The following THSD7B variants were observed in gnomAD, a reference collection of about 807,000 sequenced individuals.
The protein encoded by THSD7B is thrombospondin type-1 domain-containing protein 7B.
THSD7B carries 138 observed loss-of-function variants against 213.6 expected under a neutral mutation model. The ratio of observed to expected loss-of-function variants is 0.65; its 90% CI spans 0.56 to 0.74. The LOEUF (loss-of-function observed/expected upper bound fraction) is 0.74. Ranked by LOEUF, THSD7B falls within the 30% of genes least tolerant of loss-of-function variation. The pLI is 0.00. For missense variants in THSD7B, 1,931 were observed against 1,991.5 expected (o/e 0.97, Z 0.58); for synonymous variants, 742 against 687.0 (o/e 1.08, Z -1.25).
chr2:137,583,189 T>C (rs1321342686), intron 17 of THSD7B, among the ~76,000 whole-genome samples: 1 of 151,866 alleles, frequency 6.6e-6, no homozygotes, highest in Non-Finnish European at 1.5e-5. Flanking sequence ...GATGGGCTTG[T>C]TTTTTTTCTT....
intron 2 of THSD7B, among the ~76,000 whole-genome samples, chr2:137,055,973 C>T (rs1687155049): frequency 6.6e-6 from 1 of 151,644 alleles, no homozygotes; most frequent in Non-Finnish European, 1.5e-5. Flanking sequence ...TTATTAAAAT[C>T]CTGGCTTTAG....
chr2:137,470,402 A>G (rs1369586243), intron 15 of THSD7B, among the ~76,000 whole-genome samples: 2 of 152,220 alleles, frequency 1.3e-5, no homozygotes, highest in Admixed American at 1.3e-4. Context: ...ACAAGTGGAA[A>G]TGGGTGGTTG....
rs148738962 is a variant in THSD7B, at chr2:136,945,273, A to G, written c.139+62956A>G. On this transcript the variant is annotated intron_variant, in intron 2 of 27. Coordinates refer to ENST00000409968, the MANE Select transcript of THSD7B (RefSeq NM_001316349.2). The stretch of plus-strand genomic sequence containing the variant: ...TTTCTTCCACTTGATGGAATTGGCT[A>G]TTGAAGCTTGTGCATGTGTCACTTG... 2.0e-4 allele frequency among the ~76,000 whole-genome samples: 31 copies of G among 152,248 alleles called. No homozygotes were observed. The East Asian group carries it at 4.6e-3, about 23-fold the overall frequency.
intron 15 of THSD7B, among the ~76,000 whole-genome samples, chr2:137,529,441 A>G (rs1251581630): frequency 6.6e-6 from 1 of 152,000 alleles, no homozygotes. Context: ...TCCCAAAGAT[A>G]AAGGCTTTAG....
chr2:137,092,988 C>G (rs932169711), intron 3 of THSD7B, among the ~76,000 whole-genome samples: 1 of 152,230 alleles, frequency 6.6e-6, no homozygotes, highest in African/African-American at 2.4e-5. Context: ...CAAAATCTCT[C>G]TGTCAGTATT....
At chr2:137,141,226 A>G (rs1002580693) in intron 5 of THSD7B, among the ~76,000 whole-genome samples, 1 of 152,118 alleles carries the variant, frequency 6.6e-6, no homozygotes, top group African/African-American at 2.4e-5. Flanking sequence ...GAGATGCCAG[A>G]GTTCTCTGAG....
At chr2:136,915,207 T>C (rs1684330384) in intron 2 of THSD7B, among the ~76,000 whole-genome samples, 1 of 152,200 alleles carries the variant, frequency 6.6e-6, no homozygotes, top group Non-Finnish European at 1.5e-5. Context: ...CATTTTAGTA[T>C]TCACATTTGC....
chr2:137,287,524 G>A (rs771829367), intron 12 of THSD7B, among the ~76,000 whole-genome samples: 3 of 152,024 alleles, frequency 2.0e-5, no homozygotes, highest in African/African-American at 4.8e-5. Context: ...CAGGTAGAAT[G>A]TGCACACTTT....
At chr2:136,924,003 G>A (rs775763201) in intron 2 of THSD7B, among the ~76,000 whole-genome samples, 1 of 152,122 alleles carries the variant, frequency 6.6e-6, no homozygotes, top group Non-Finnish European at 1.5e-5. Context: ...TGTGCTTTAG[G>A]TGTCATATCC....
rs560467932 is a variant in THSD7B at position 137,266,108 on chromosome 2, A to T, written c.2267-6425A>T. Among the ~76,000 whole-genome samples, 215 of 152,336 alleles carry T rather than the reference A, an allele frequency of 1.4e-3. 3 individuals are homozygous for T. The highest frequency in any genetic ancestry group is 5.0e-3 in the African/African-American group (207 of 41,584). On this transcript the variant is annotated intron_variant, in intron 10 of 27. Coordinates refer to ENST00000409968, the MANE Select transcript of THSD7B (RefSeq NM_001316349.2). The stretch of plus-strand genomic sequence containing the variant: ...TTTCTAAATTACAGAAAATTTAACT[A>T]TTGAAACTTCTTCTATTTTTTAAAA...
rs151330697 is a variant in THSD7B, at chr2:137,164,979, G to A, written c.1525+4611G>A. ...ACCAACATGTCACATGTATACATAT[G>A]TAACAAACCTGCAAGTTGTGTACAT... On this transcript the variant is annotated intron_variant, in intron 6 of 27. Transcript: ENST00000409968. 6.7e-3 allele frequency among the ~76,000 whole-genome samples: 1,022 copies of A among 152,182 alleles called. 9 individuals are homozygous for A. Among genetic ancestry groups the A allele is most frequent in the African/African-American group, 0.023 (958 of 41,516 alleles).
In THSD7B at chr2:137,059,338, T is replaced by C. The variant is rs145761063; in HGVS notation, c.950+2108T>C. On this transcript the variant is annotated intron_variant, in intron 3 of 27. Coordinates refer to ENST00000409968, the MANE Select transcript of THSD7B (RefSeq NM_001316349.2). ...GGAACACAATTCAGTGTGCAGCAGG[T>C]ACATTGGTTACAATTGATGAGCTAA... Among the ~76,000 whole-genome samples the C allele has an allele frequency of 9.2e-4, 140 of 152,286 alleles. 1 individual carries two copies. The highest frequency in any genetic ancestry group is 3.2e-3 in the African/African-American group (132 of 41,570).
chr2:137,101,946 C>A (rs1305388033), intron 4 of THSD7B, among the ~76,000 whole-genome samples: 2 of 152,210 alleles, frequency 1.3e-5, no homozygotes, highest in Admixed American at 1.3e-4. Context: ...TGGGGGAAGG[C>A]GCAGCTGCGG....
At chr2:136,773,898 A>G (rs949926523) in intron 1 of THSD7B, among the ~76,000 whole-genome samples, 11 of 151,992 alleles carry the variant, frequency 7.2e-5, no homozygotes, top group Non-Finnish European at 1.6e-4. Context: ...ATTTAAAAAA[A>G]AAAAAAGAAA....
At chr2:136,863,438 C>T (rs537199914) in intron 1 of THSD7B, among the ~76,000 whole-genome samples, 4 of 152,166 alleles carry the variant, frequency 2.6e-5, no homozygotes, top group South Asian at 2.1e-4. Context: ...CTTTTCACAG[C>T]GCCCAAGGGG....
At chr2:137,181,573 T>C (rs2105005916) in intron 7 of THSD7B, among the ~76,000 whole-genome samples, 2 of 152,164 alleles carry the variant, frequency 1.3e-5, no homozygotes, top group South Asian at 4.1e-4. Flanking sequence ...ACCAGAGGCA[T>C]ATTTACAGAG....
intron 12 of THSD7B, among the ~76,000 whole-genome samples, chr2:137,327,246 A>G (rs1217072167): frequency 6.6e-6 from 1 of 152,196 alleles, no homozygotes; most frequent in East Asian, 1.9e-4. Flanking sequence ...CAAGCCTGAG[A>G]CATTCTGTGA....
intron 2 of THSD7B, among the ~76,000 whole-genome samples, chr2:136,912,460 T>G (rs1458381196): frequency 6.6e-6 from 1 of 152,110 alleles, no homozygotes; most frequent in Non-Finnish European, 1.5e-5. Context: ...GCTTTCCTGC[T>G]GTGTTACTCT....
chr2:137,602,416 C>T (rs1682092147), intron 17 of THSD7B, among the ~76,000 whole-genome samples: 1 of 151,986 alleles, frequency 6.6e-6, no homozygotes, highest in African/African-American at 2.4e-5. Context: ...ACTATAGGCA[C>T]GCATCACCAC....
Sources: allele counts gnomAD v4.1 joint callset (sites outside exome capture counted in the v4.1 genomes callset), GRCh38; gene constraint gnomAD v4.1.1; transcripts MANE v1.5; gene names NCBI Gene and HGNC (gene_info 2026-07-23, HGNC 2026-07-21).